RBFOX1: variants seen among roughly 807,000 people sequenced by gnomAD.
RBFOX1 encodes RNA binding fox-1 homolog 1.
RBFOX1 carries 8 observed loss-of-function variants against 57.7 expected under a neutral mutation model. The observed-to-expected ratio is 0.14, with a 90% CI of 0.08 to 0.25. The LOEUF (loss-of-function observed/expected upper bound fraction) is 0.25, where lower values mean the gene tolerates loss of function less well. Ranked by LOEUF, RBFOX1 falls within the 10% of genes least tolerant of loss-of-function variation. The probability of loss-of-function intolerance (pLI) is 1.00; values close to 1 mark genes in which losing one functional copy is unlikely to be tolerated. For missense variants in RBFOX1, 611 were observed against 548.5 expected (o/e 1.11, Z -1.14); for synonymous variants, 326 against 222.4 (o/e 1.47, Z -4.15).
intron 3 of RBFOX1, chr16:5,632,555 C>T (rs377294973): frequency 1.7e-4 from 26 of 152,310 alleles, no homozygotes; most frequent in African/African-American, 5.8e-4. Context: ...TGAATTTTGG[C>T]TTCATGTAAT....
At chr16:7,562,017 AG>A (rs905526275) in intron 5 of RBFOX1, among the ~76,000 whole-genome samples, 2 of 152,094 alleles carry the variant, frequency 1.3e-5, no homozygotes, top group African/African-American at 4.8e-5. Flanking sequence ...AGAGGAGATG[AG>A]GAAAAAAAAA....
intron 1 of RBFOX1, among the ~76,000 whole-genome samples, chr16:5,349,847 A>C (rs907414615): frequency 6.6e-6 from 1 of 152,200 alleles, no homozygotes; most frequent in Non-Finnish European, 1.5e-5. Flanking sequence ...AGGCCCCAGG[A>C]AGCAGCCCTG....
chr16:5,366,087 C>T, intron 1 of RBFOX1: 1 of 468,762 alleles, frequency 2.1e-6, no homozygotes, highest in Non-Finnish European at 4.2e-6. Flanking sequence ...ACCACCAGTG[C>T]TCTTACGGTT....
At chr16:5,406,300 G>T (rs2066864920) in intron 1 of RBFOX1, among the ~76,000 whole-genome samples, 1 of 152,080 alleles carries the variant, frequency 6.6e-6, no homozygotes. Context: ...ACCCCAGTGT[G>T]GGTGAGTGCC....
At chr16:7,282,362 T>G (rs193208598) in intron 4 of RBFOX1, among the ~76,000 whole-genome samples, 150 of 152,270 alleles carry the variant, frequency 9.9e-4, no homozygotes, top group Admixed American at 2.8e-3. Context: ...TAGGAATTCT[T>G]TAATTGTAAG....
intron 1 of RBFOX1, among the ~76,000 whole-genome samples, chr16:6,311,282 C>T (rs1171103050): frequency 9.1e-5 from 10 of 109,674 alleles, no homozygotes; most frequent in East Asian, 2.9e-4. Context: ...GGTGACAGTA[C>T]GAGACTCTGT....
chr16:7,696,520 GTTAC>G (rs1472770473), intron 14 of RBFOX1, among the ~76,000 whole-genome samples: 1 of 152,126 alleles, frequency 6.6e-6, no homozygotes, highest in Non-Finnish European at 1.5e-5. Flanking sequence ...TGAAAAGCAA[GTTAC>G]TTAATCAGTG....
At chr16:7,598,251 T>G (rs192668630) in intron 9 of RBFOX1, among the ~76,000 whole-genome samples, 16 of 152,192 alleles carry the variant, frequency 1.1e-4, no homozygotes, top group African/African-American at 3.9e-4. Flanking sequence ...CCCATTAAAA[T>G]GAGCAGGATA....
chr16:5,256,842 A>G (rs935663026), intron 1 of RBFOX1, among the ~76,000 whole-genome samples: 2 of 152,052 alleles, frequency 1.3e-5, no homozygotes, highest in African/African-American at 4.8e-5. Flanking sequence ...GCTGAGGCAC[A>G]AGAATCATTT....
intron 3 of RBFOX1, among the ~76,000 whole-genome samples, chr16:6,902,215 A>G (rs1387186294): frequency 2.0e-5 from 3 of 152,118 alleles, no homozygotes; most frequent in Non-Finnish European, 4.4e-5. Flanking sequence ...TTTTTTGGAA[A>G]TCATTGTGTG....
intron 4 of RBFOX1, among the ~76,000 whole-genome samples, chr16:5,954,907 T>G (rs1395855720): frequency 6.6e-6 from 1 of 151,744 alleles, no homozygotes. Flanking sequence ...TCTCACTGTT[T>G]CTAAGTGAAC....
At chr16:7,345,971 T>G (rs908793973) in intron 4 of RBFOX1, among the ~76,000 whole-genome samples, 5 of 152,160 alleles carry the variant, frequency 3.3e-5, no homozygotes, top group Non-Finnish European at 4.4e-5. Flanking sequence ...ATGCTATCCC[T>G]CCCAGCTCCT....
chr16:7,343,471 G>A (rs1028779055), intron 4 of RBFOX1, among the ~76,000 whole-genome samples: 1 of 152,160 alleles, frequency 6.6e-6, no homozygotes, highest in African/African-American at 2.4e-5. Context: ...GCTTTGTTGA[G>A]GTTTAAAAGG....
At chr16:5,538,666 C>T (rs2044803130) in intron 2 of RBFOX1, among the ~76,000 whole-genome samples, 1 of 150,378 alleles carries the variant, frequency 6.6e-6, no homozygotes, top group South Asian at 2.1e-4. Flanking sequence ...ACCCTTGTTG[C>T]CTAGGCTGGA....
At chr16:7,017,247 C>T (rs368628384) in intron 3 of RBFOX1, among the ~76,000 whole-genome samples, 9 of 152,146 alleles carry the variant, frequency 5.9e-5, no homozygotes, top group African/African-American at 1.9e-4. Flanking sequence ...AAATGTGCAG[C>T]CTCGGCTGTG....
chr16:7,602,083 C>T (rs75704562), intron 9 of RBFOX1, among the ~76,000 whole-genome samples: 1 of 152,084 alleles, frequency 6.6e-6, no homozygotes, highest in African/African-American at 2.4e-5. Flanking sequence ...GAATGCGTTT[C>T]TTTGATATGT....
intron 4 of RBFOX1, among the ~76,000 whole-genome samples, chr16:7,111,638 T>C (rs1398104938): frequency 6.6e-6 from 1 of 152,144 alleles, no homozygotes; most frequent in Non-Finnish European, 1.5e-5. Context: ...AATTACTAAG[T>C]ATTTGCTAGG....
intron 1 of RBFOX1, among the ~76,000 whole-genome samples, chr16:6,209,905 C>T (rs897181372): frequency 4.6e-5 from 7 of 152,226 alleles, no homozygotes; most frequent in African/African-American, 1.7e-4. Flanking sequence ...CCTGCTTAAG[C>T]ATCTGCTGCT....
At chr16:6,869,509 A>C (rs1376834383) in intron 3 of RBFOX1, among the ~76,000 whole-genome samples, 1 of 151,954 alleles carries the variant, frequency 6.6e-6, no homozygotes, top group East Asian at 1.9e-4. Context: ...GAGTTTTTCA[A>C]CACATATAAA....
Sources: gnomAD v4.1 joint callset for allele counts (sites outside exome capture counted in the v4.1 genomes callset) on GRCh38, gnomAD v4.1.1 for gene constraint, MANE v1.5 for transcripts, NCBI Gene and HGNC (gene_info 2026-07-23, HGNC 2026-07-21) for gene names.